Variants in CDH4 observed in about 807,000 individuals in gnomAD.
CDH4 encodes the protein cadherin 4.
A neutral mutation model predicts 86.0 loss-of-function variants in CDH4; 33 were observed. The observed-to-expected ratio is 0.38, with a 90% CI of 0.29 to 0.51. The LOEUF is 0.51. Among genes scored for constraint, CDH4 ranks in the 20% least tolerant of loss-of-function variants. The probability of loss-of-function intolerance (pLI) is 0.86; values close to 1 mark genes in which losing one functional copy is unlikely to be tolerated. For synonymous variants in CDH4, 555 were observed against 549.4 expected (o/e 1.01, Z -0.14); for missense variants, 1,114 against 1,307.4 (o/e 0.85, Z 2.28).
chr20:61,686,521 G>A (rs1278277570), intron 2 of CDH4, among the ~76,000 whole-genome samples: 2 of 151,506 alleles, frequency 1.3e-5, no homozygotes, highest in Non-Finnish European at 2.9e-5. Flanking sequence ...GTGTGCATTC[G>A]TGTGTGCATT....
intron 2 of CDH4, among the ~76,000 whole-genome samples, chr20:61,724,992 G>A (rs1276043695): frequency 6.6e-6 from 1 of 151,974 alleles, no homozygotes; most frequent in Non-Finnish European, 1.5e-5. Context: ...GGTATCCGTG[G>A]TCCCGGCTAC....
intron 4 of CDH4, among the ~76,000 whole-genome samples, chr20:61,794,713 A>T (rs1317757937): frequency 6.6e-6 from 1 of 152,164 alleles, no homozygotes; most frequent in Non-Finnish European, 1.5e-5. Flanking sequence ...GGTCCCATGC[A>T]CCTAGGACCA....
At chr20:61,326,411 A>T (rs2123252091) in intron 2 of CDH4, among the ~76,000 whole-genome samples, 1 of 152,266 alleles carries the variant, frequency 6.6e-6, no homozygotes, top group East Asian at 1.9e-4. Context: ...GTGTGGCTTC[A>T]GAATCTTCTG....
intron 2 of CDH4, among the ~76,000 whole-genome samples, chr20:61,453,193 C>A (rs888994984): frequency 6.6e-6 from 1 of 152,010 alleles, no homozygotes; most frequent in Admixed American, 6.6e-5. Context: ...CATTTGATAT[C>A]CAGGAACTTG....
intron 4 of CDH4, among the ~76,000 whole-genome samples, chr20:61,821,045 C>T (rs557368889): frequency 2.0e-5 from 3 of 151,024 alleles, no homozygotes; most frequent in Non-Finnish European, 4.4e-5. Flanking sequence ...CGCCCCAAAG[C>T]TTTCACCCCC....
intron 2 of CDH4, among the ~76,000 whole-genome samples, chr20:61,538,391 A>C (rs1404887564): frequency 6.6e-6 from 1 of 152,086 alleles, no homozygotes; most frequent in Admixed American, 6.5e-5. Flanking sequence ...TTACTCACAG[A>C]CAGATTTGTT....
In CDH4 at chr20:61,394,316, T is replaced by C. The variant is rs1288436193; in HGVS notation, c.169+139379T>C. On this transcript the variant is annotated intron_variant, in intron 2 of 15. Transcript: ENST00000614565. ...TCCAGGACTCTCCCGCCCCTGCCTG[T>C]CCCTCTCGGGCAGAACCCACCTCTC... Among the ~76,000 whole-genome samples, 4 of 152,118 alleles carry C rather than the reference T, an allele frequency of 2.6e-5. No homozygotes were observed. The South Asian group carries it at 8.3e-4, about 32-fold the overall frequency.
chr20:61,900,003 G>A (rs1212935132), intron 8 of CDH4, among the ~76,000 whole-genome samples: 1 of 152,224 alleles, frequency 6.6e-6, no homozygotes, highest in Non-Finnish European at 1.5e-5. Context: ...CCCTCCCCAA[G>A]CCGCCCGAGG....
At chr20:61,661,949 T>G (rs568249679) in intron 2 of CDH4, among the ~76,000 whole-genome samples, 21 of 152,282 alleles carry the variant, frequency 1.4e-4, no homozygotes, top group African/African-American at 4.6e-4. Context: ...CCACAGGGCC[T>G]CCCTTTGCAA....
intron 2 of CDH4, among the ~76,000 whole-genome samples, chr20:61,533,511 A>C (rs912075844): frequency 6.6e-6 from 1 of 152,232 alleles, no homozygotes; most frequent in South Asian, 2.1e-4. Context: ...GGCATGCCTG[A>C]GGACCGGGGC....
chr20:61,652,954 T>G (rs950033980), intron 2 of CDH4, among the ~76,000 whole-genome samples: 1 of 124,382 alleles, frequency 8.0e-6, no homozygotes, highest in Non-Finnish European at 1.9e-5. Flanking sequence ...TTTTTTTTTT[T>G]TATTGATCAT....
chr20:61,461,801 G>T (rs992230830), intron 2 of CDH4, among the ~76,000 whole-genome samples: 1 of 152,190 alleles, frequency 6.6e-6, no homozygotes, highest in South Asian at 2.1e-4. Context: ...AACAAGCACC[G>T]TGTCTCTTTA....
intron 11 of CDH4, among the ~76,000 whole-genome samples, chr20:61,926,351 A>T (rs1049441238): frequency 2.0e-5 from 3 of 152,216 alleles, no homozygotes; most frequent in Non-Finnish European, 4.4e-5. Flanking sequence ...GAACAAGGGT[A>T]GCCATTGTGC....
At chr20:61,777,139 A>G (rs758120530) in intron 4 of CDH4, among the ~76,000 whole-genome samples, 1 of 140,804 alleles carries the variant, frequency 7.1e-6, no homozygotes, top group Non-Finnish European at 1.6e-5. Flanking sequence ...GTCTTTATTC[A>G]CCTACTTACT....
At chr20:61,560,468 A>C (rs1018932075) in intron 2 of CDH4, among the ~76,000 whole-genome samples, 5 of 152,228 alleles carry the variant, frequency 3.3e-5, no homozygotes, top group African/African-American at 1.2e-4. Flanking sequence ...TTGTGGGGGA[A>C]GTTATCCTGA....
intron 2 of CDH4, among the ~76,000 whole-genome samples, chr20:61,638,494 G>T: frequency 6.6e-6 from 1 of 152,112 alleles, no homozygotes. Context: ...TCTCTGGGGG[G>T]ACACTTTGGA....
intron 2 of CDH4, among the ~76,000 whole-genome samples, chr20:61,317,503 C>T (rs920364869): frequency 6.6e-6 from 1 of 152,128 alleles, no homozygotes; most frequent in African/African-American, 2.4e-5. Context: ...CATTGCATCT[C>T]CCAGCTCACG....
At chr20:61,840,691 C>T (rs1039291602) in intron 4 of CDH4, among the ~76,000 whole-genome samples, 8 of 152,250 alleles carry the variant, frequency 5.3e-5, no homozygotes, top group African/African-American at 1.4e-4. Flanking sequence ...TGGGCTTCTG[C>T]GGTGTTTGTC....
At chr20:61,310,918 C>T (rs2123222492) in intron 2 of CDH4, among the ~76,000 whole-genome samples, 1 of 152,284 alleles carries the variant, frequency 6.6e-6, no homozygotes, top group Non-Finnish European at 1.5e-5. Context: ...TTCCAAGGCC[C>T]TGGCTCCAAA....
Sources: gnomAD v4.1 joint callset for allele counts (sites outside exome capture counted in the v4.1 genomes callset) on GRCh38, gnomAD v4.1.1 for gene constraint, MANE v1.5 for transcripts, NCBI Gene and HGNC (gene_info 2026-07-23, HGNC 2026-07-21) for gene names.